Variants in PLEKHA8 observed in about 807,000 individuals in gnomAD.
PLEKHA8 encodes the protein pleckstrin homology domain-containing family A member 8.
A neutral mutation model predicts 68.2 loss-of-function variants in PLEKHA8; 36 were observed. The observed-to-expected ratio is 0.53, with a 90% CI of 0.40 to 0.70. The LOEUF is 0.70. Ranked by LOEUF, PLEKHA8 falls within the 30% of genes least tolerant of loss-of-function variation. PLEKHA8 has a pLI of 0.00. For missense variants in PLEKHA8, 505 were observed against 615.4 expected, an observed-to-expected ratio of 0.82 and a Z score of 1.90; for synonymous variants, 211 against 216.1, an observed-to-expected ratio of 0.98 and a Z score of 0.20.
rs1484678074 is a variant in PLEKHA8, at chr7:30,067,738, A to G, written c.1300+4996A>G. Among the ~76,000 whole-genome samples, 5 of 152,204 alleles carry G rather than the reference A, an allele frequency of 3.3e-5. No homozygotes were observed. The South Asian group carries it at 8.3e-4, about 25-fold the overall frequency. ...TTGTATATGAGGTATCATATTGTGC[A>G]CATTCTTCCTTCTTCACTCAGTATT... On this transcript the variant is annotated intron_variant, in intron 12 of 13. Transcript: ENST00000449726.
intron 13 of PLEKHA8, among the ~76,000 whole-genome samples, chr7:30,106,008 T>C (rs1796041878): frequency 6.6e-6 from 1 of 152,168 alleles, no homozygotes; most frequent in Admixed American, 6.5e-5. Flanking sequence ...TATGTGATAT[T>C]TTTCCTAATA....
rs935777699 is a variant in PLEKHA8 at position 30,080,805 on chromosome 7, A to T, written c.*2018A>T. 8.1e-6 allele frequency: 8 copies of T among 985,204 alleles called. No individual in the cohort carries two copies. Among genetic ancestry groups the T allele is most frequent in the Admixed American group, 6.2e-5 (1 of 16,246 alleles). 61.0% of individuals were successfully genotyped at this position (985,204 alleles called of 1,614,324 possible). On this transcript the variant is annotated 3_prime_UTR_variant, in exon 14 of 14. Transcript: ENST00000449726. The stretch of plus-strand genomic sequence containing the variant: ...ATGAATATGATGGCAGGACTCGGGG[A>T]TAGTCCCTGCCCTTGACATAGCCCC...
Position 30,083,163 on chromosome 7 carries a change from A to G in PLEKHA8, c.*4376A>G, listed in dbSNP as rs896803031. 2 of 982,010 alleles carry G rather than the reference A, an allele frequency of 2.0e-6. No individual in the cohort carries two copies. Among genetic ancestry groups the G allele is most frequent in the Admixed American group, 6.2e-5 (1 of 16,162 alleles). 60.8% of individuals were successfully genotyped at this position (982,010 alleles called of 1,614,324 possible). A position where few individuals can be genotyped will look rare whatever the true frequency, so the allele number is the denominator to read the frequency against. On this transcript the variant is annotated 3_prime_UTR_variant, in exon 14 of 14. Transcript: ENST00000449726. The stretch of plus-strand genomic sequence containing the variant: ...GGTCTTAGAGGGCCTGACTTCAGAT[A>G]CTCTTTGTGATCTTGTAAGGGCTCT...
At chr7:30,035,445 C>T (rs1230263027) in intron 1 of PLEKHA8, among the ~76,000 whole-genome samples, 1 of 152,086 alleles carries the variant, frequency 6.6e-6, no homozygotes, top group Non-Finnish European at 1.5e-5. Flanking sequence ...TAATGATGCC[C>T]AGAAAATTTA....
chr7:30,035,904 C>T (rs1377054112), intron 1 of PLEKHA8, among the ~76,000 whole-genome samples: 1 of 151,996 alleles, frequency 6.6e-6, no homozygotes, highest in African/African-American at 2.4e-5. Context: ...TCTTGGCCTC[C>T]CAAAGTGTTG....
At chr7:30,084,839 C>T (rs1795111136), downstream of PLEKHA8, among the ~76,000 whole-genome samples, 1 of 152,126 alleles carries the variant, frequency 6.6e-6, no homozygotes, top group Non-Finnish European at 1.5e-5. Flanking sequence ...GCTGGGAAAA[C>T]TGAGGCATAT....
At chr7:30,036,300 AGAGT>A (rs1562851373) in intron 1 of PLEKHA8, among the ~76,000 whole-genome samples, 1 of 152,096 alleles carries the variant, frequency 6.6e-6, no homozygotes. Flanking sequence ...ATAGATAGAT[AGAGT>A]GAGACTGTGT....
intron 9 of PLEKHA8, among the ~76,000 whole-genome samples, chr7:30,056,304 C>A (rs1303122586): frequency 6.4e-5 from 6 of 93,896 alleles, no homozygotes; most frequent in South Asian, 4.3e-4. Flanking sequence ...CTCTCTCTCT[C>A]TCTCTCTCTA....
Position 30,106,666 on chromosome 7 carries a change from G to C in PLEKHA8, c.1363-22600G>C, listed in dbSNP as rs138801088. Among the ~76,000 whole-genome samples, 78 of 152,276 alleles carry C rather than the reference G, an allele frequency of 5.1e-4. 1 individual carries two copies. The highest frequency in any genetic ancestry group is 3.4e-3 in the Middle Eastern group (1 of 294). ...AGTTGGCCCTCCATATCTGTGGGTT[G>C]CACTTAAATGGAGTCAGCCAACCCG... On this transcript the variant is annotated intron_variant, in intron 13 of 13. Transcript: ENST00000396257.
chr7:30,028,714 T>C lies in PLEKHA8; in HGVS notation c.-49T>C, dbSNP rs748070379. On this transcript the variant is annotated 5_prime_UTR_variant, in exon 1 of 14. Coordinates refer to ENST00000449726, the MANE Select transcript of PLEKHA8 (RefSeq NM_001197026.2). ...CTGGTGCTCCTCGCCTCTTGGGGCC[T>C]GGGGCAGTGAGGGGGCCGGCGGGCG... 8.2e-7 allele frequency: 1 copy of C among 1,221,554 alleles called. No homozygotes were observed. The highest frequency in any genetic ancestry group is 1.0e-6 in the Non-Finnish European group (1 of 965,964). The allele number at this position is 1,221,554 out of a possible 1,614,324, so 75.7% of individuals were successfully genotyped here.
intron 12 of PLEKHA8, among the ~76,000 whole-genome samples, chr7:30,064,146 G>C (rs990086272): frequency 6.6e-6 from 1 of 152,250 alleles, no homozygotes; most frequent in African/African-American, 2.4e-5. Context: ...TAACCTCTCT[G>C]ATCCTCACTT....
intron 1 of PLEKHA8, among the ~76,000 whole-genome samples, chr7:30,031,625 G>A (rs938539450): frequency 6.6e-6 from 1 of 152,206 alleles, no homozygotes; most frequent in African/African-American, 2.4e-5. Flanking sequence ...GATTGTGTGT[G>A]TGCATGTGGG....
rs139863729 is a variant in PLEKHA8, at chr7:30,082,668, T to C, written c.*3881T>C. 3.2e-5 allele frequency: 31 copies of C among 984,056 alleles called. No individual in the cohort carries two copies. The African/African-American group carries it at 5.1e-4, about 16-fold the overall frequency. The allele number at this position is 984,056 out of a possible 1,614,324, so 61.0% of individuals were successfully genotyped here. ...TCAGAAAAGTGTTTTTAATTAAAAA[T>C]ATGTGATAGGGACCAAATAAGTAAA... On this transcript the variant is annotated 3_prime_UTR_variant, in exon 14 of 14. Coordinates refer to ENST00000449726, the MANE Select transcript of PLEKHA8 (RefSeq NM_001197026.2).
chr7:30,094,290 T>C (rs76014621), downstream of PLEKHA8, among the ~76,000 whole-genome samples: 6 of 151,840 alleles, frequency 4.0e-5, no homozygotes, highest in East Asian at 3.9e-4. Flanking sequence ...TTTTTTTTTT[T>C]CCAGACAGAG....
At chr7:30,045,005 G>C (rs1791836070) in intron 1 of PLEKHA8, 80 bp from the exon 2 acceptor site, 1 of 956,232 alleles carries the variant, frequency 1.0e-6, no homozygotes, top group South Asian at 1.7e-5. Flanking sequence ...AGTATCCTAT[G>C]TTAGGCTCTA....
downstream of PLEKHA8, among the ~76,000 whole-genome samples, chr7:30,088,425 GACCACTAAA>G (rs374838239): frequency 3.5e-4 from 53 of 152,228 alleles, no homozygotes; most frequent in African/African-American, 1.3e-3. Context: ...GCATCTCCCA[GACCACTAAA>G]ATCAGGCTTA....
chr7:30,113,202 T>C (rs1796327315), intron 13 of PLEKHA8, among the ~76,000 whole-genome samples: 1 of 152,194 alleles, frequency 6.6e-6, no homozygotes, highest in Admixed American at 6.5e-5. Flanking sequence ...TGCATCTTTC[T>C]TCTGGTTTTG....
chr7:30,053,712 A>G (rs1792600434), intron 7 of PLEKHA8, among the ~76,000 whole-genome samples: 1 of 152,228 alleles, frequency 6.6e-6, no homozygotes, highest in Non-Finnish European at 1.5e-5. Flanking sequence ...TTAAGGAGAA[A>G]GACCTATTGA....
downstream of PLEKHA8, among the ~76,000 whole-genome samples, chr7:30,089,266 G>A (rs1299982113): frequency 6.6e-6 from 1 of 152,068 alleles, no homozygotes; most frequent in African/African-American, 2.4e-5. Flanking sequence ...TCCACACCAC[G>A]ATGGAAAGAA....
Sources: allele counts gnomAD v4.1 joint callset (sites outside exome capture counted in the v4.1 genomes callset), GRCh38; gene constraint gnomAD v4.1.1; transcripts MANE v1.5; gene names NCBI Gene and HGNC (gene_info 2026-07-23, HGNC 2026-07-21).